The following TPM4 variants were observed in gnomAD, a reference collection of about 807,000 sequenced individuals.
TPM4 encodes the protein tropomyosin 4.
In TPM4, 17 loss-of-function variants were observed where a neutral mutation model predicts 35.8. That is an observed-to-expected ratio of 0.47 (90% CI 0.32 to 0.71). The LOEUF (loss-of-function observed/expected upper bound fraction) is 0.71. Among genes scored for constraint, TPM4 ranks in the 30% least tolerant of loss-of-function variants. The probability of loss-of-function intolerance (pLI) is 0.03; values close to 1 mark genes in which losing one functional copy is unlikely to be tolerated. For synonymous variants in TPM4, 120 were observed against 122.9 expected, an observed-to-expected ratio of 0.98 and a Z score of 0.15; for missense variants, 240 against 320.9, an observed-to-expected ratio of 0.75 and a Z score of 1.93.
intron 4 of TPM4, 120 bp from the exon 5 acceptor site, chr19:16,088,925 C>T (rs1252538922): frequency 6.5e-6 from 10 of 1,528,918 alleles, no homozygotes; most frequent in Non-Finnish European, 8.8e-6. Flanking sequence ...CACATTCCTT[C>T]TGCCCCCCAC....
chr19:16,087,668 G>T (rs1463612060), intron 3 of TPM4, among the ~76,000 whole-genome samples: 1 of 152,154 alleles, frequency 6.6e-6, no homozygotes, highest in East Asian at 1.9e-4. Flanking sequence ...GGATCAGGAG[G>T]TCAGGAATTC....
At chr19:16,085,944 C>G (rs1455343466) in intron 2 of TPM4, among the ~76,000 whole-genome samples, 2 of 151,710 alleles carry the variant, frequency 1.3e-5, no homozygotes, top group Non-Finnish European at 2.9e-5. Context: ...TGGTGCATGC[C>G]TATAGTCCCG....
rs1455486848 is a variant in TPM4 at position 16,101,936 on chromosome 19, T to A, written c.*590T>A. The A allele has an allele frequency of 4.9e-5, 11 of 224,766 alleles. No individual in the cohort carries two copies. Among genetic ancestry groups the A allele is most frequent in the Non-Finnish European group, 8.9e-5 (10 of 112,848 alleles). The allele number at this position is 224,766 out of a possible 1,614,324, so 13.9% of individuals were successfully genotyped here. A position where few individuals can be genotyped will look rare whatever the true frequency, so the allele number is the denominator to read the frequency against. On this transcript the variant is annotated 3_prime_UTR_variant, in exon 8 of 8. Coordinates refer to ENST00000643579, the MANE Select transcript of TPM4 (RefSeq NM_003290.3). ...CTCTCCACCATGCAGGACAAACATC[T>A]TCTCAAGCAGTCAACGTAGAATGCT...
In TPM4 at chr19:16,067,790, C is replaced by A. The variant is rs187039604; in HGVS notation, c.114+52C>A. ...CGGGCTGCTGGGAGTCCTCTCTGTG[C>A]GGAAGGCCGGGGTCTGGAGCCCAGT... is the stretch of plus-strand genomic sequence containing the variant. On this transcript the variant is annotated intron_variant, in intron 2 of 2. Transcript: ENST00000589897. The surrounding 1 kb of genome is among the most constrained non-coding windows in gnomAD (Gnocchi z 4.1). The A allele has an allele frequency of 4.2e-4, 646 of 1,555,548 alleles. 3 individuals carry two copies. The African/African-American group carries it at 8.1e-3, about 20-fold the overall frequency.
chr19:16,077,400 C>G (rs1385195533), intron 1 of TPM4: 1 of 152,192 alleles, frequency 6.6e-6, no homozygotes, highest in East Asian at 1.9e-4. Flanking sequence ...AACGCTGGCG[C>G]GGGGCCCTGA....
chr19:16,075,586 C>T (rs1249430151), upstream of TPM4: 1 of 157,292 alleles, frequency 6.4e-6, no homozygotes. Flanking sequence ...AGAGGGCAGG[C>T]GTATTTGTTA....
intron 1 of TPM4, among the ~76,000 whole-genome samples, chr19:16,078,533 A>C (rs1216398712): frequency 6.6e-6 from 1 of 152,166 alleles, no homozygotes; most frequent in Non-Finnish European, 1.5e-5. Flanking sequence ...AACCCGGTGT[A>C]AGCCTCAATC....
intron 2 of TPM4, among the ~76,000 whole-genome samples, chr19:16,082,864 C>T (rs1327868452): frequency 2.0e-5 from 3 of 151,828 alleles, no homozygotes; most frequent in South Asian, 4.2e-4. Context: ...TGGTGGTGCA[C>T]GCCTGTACTC....
Position 16,099,905 on chromosome 19 carries a change from C to T in TPM4, c.665-1359C>T, listed in dbSNP as rs550333439. The T allele has an allele frequency of 1.1e-4, 17 of 152,238 alleles. 1 individual carries two copies. In the South Asian group the frequency reaches 1.5e-3, roughly 13 times the overall value. 9.4% of individuals were successfully genotyped at this position (152,238 alleles called of 1,614,324 possible). On this transcript the variant is annotated intron_variant, in intron 7 of 7. Transcript: ENST00000643579. ...TTACCTGGGGTTTGTCTCCGTTCTC[C>T]TGGATTCATAGACAGTTACACAATT...
chr19:16,076,301 C>A, upstream of TPM4: 1 of 1,511,770 alleles, frequency 6.6e-7, no homozygotes, highest in Non-Finnish European at 8.8e-7. Flanking sequence ...GCGCTTTCTC[C>A]AAATAAGTCC....
At chr19:16,088,156 G>C (rs2090582536) in intron 4 of TPM4, 59 bp downstream of exon 4, 2 of 1,570,028 alleles carry the variant, frequency 1.3e-6, no homozygotes, top group Non-Finnish European at 8.6e-7. Context: ...GAGTGGGAAG[G>C]AGCTGGCTGT....
chr19:16,088,264 T>G (rs1599376726), intron 4 of TPM4, 167 bp downstream of exon 4: 1 of 1,404,756 alleles, frequency 7.1e-7, no homozygotes, highest in Non-Finnish European at 9.5e-7. Flanking sequence ...AAAGAGGTGG[T>G]GACTTGTTCT....
intron 2 of TPM4, among the ~76,000 whole-genome samples, chr19:16,085,680 A>G (rs1381978811): frequency 2.0e-5 from 3 of 152,182 alleles, no homozygotes; most frequent in African/African-American, 7.2e-5. Context: ...CCCTCTCTCT[A>G]TGCCTTAGTT....
At chr19:16,086,989 C>T (rs912530928) in intron 3 of TPM4, among the ~76,000 whole-genome samples, 1 of 152,068 alleles carries the variant, frequency 6.6e-6, no homozygotes, top group Admixed American at 6.6e-5. Context: ...TCAGTTGAAG[C>T]GCCAGCAAAA....
Position 16,067,791 on chromosome 19 carries a change from G to A in TPM4, c.114+53G>A. ...GGGCTGCTGGGAGTCCTCTCTGTGC[G>A]GAAGGCCGGGGTCTGGAGCCCAGTT... On this transcript the variant is annotated intron_variant, in intron 2 of 2. Coordinates refer to the TPM4 transcript ENST00000589897. The surrounding 1 kb of genome is among the most constrained non-coding windows in gnomAD (Gnocchi z 4.1). 1.3e-6 allele frequency: 2 copies of A among 1,550,316 alleles called. No individual in the cohort carries two copies. Among genetic ancestry groups the A allele is most frequent in the Non-Finnish European group, 1.7e-6 (2 of 1,143,580 alleles).
intron 5 of TPM4, among the ~76,000 whole-genome samples, chr19:16,090,874 C>T (rs924175402): frequency 6.7e-6 from 1 of 149,318 alleles, no homozygotes; most frequent in African/African-American, 2.5e-5. Flanking sequence ...ACCATGTTGC[C>T]CAGGCTGATC....
chr19:16,084,508 C>T (rs556097753), intron 2 of TPM4, among the ~76,000 whole-genome samples: 182 of 152,282 alleles, frequency 1.2e-3, no homozygotes, highest in African/African-American at 4.0e-3. Context: ...TGGATGCTGA[C>T]GTTGAGGGCT....
At chr19:16,074,942 A>T (rs1397722728), upstream of TPM4, 1 of 152,164 alleles carries the variant, frequency 6.6e-6, no homozygotes, top group African/African-American at 2.4e-5. Flanking sequence ...AAATACAAAA[A>T]TTAGTCAGTC....
At chr19:16,081,802 G>A in intron 1 of TPM4, 111 bp from the exon 2 acceptor site, 1 of 1,374,164 alleles carries the variant, frequency 7.3e-7, no homozygotes, top group Non-Finnish European at 9.6e-7. Flanking sequence ...TGGACTCCTG[G>A]GTGGGCTTTG....
Sources: allele counts gnomAD v4.1 joint callset (sites outside exome capture counted in the v4.1 genomes callset), GRCh38; gene constraint gnomAD v4.1.1; non-coding constraint Gnocchi (gnomAD v3.1); transcripts MANE v1.5; gene names NCBI Gene and HGNC (gene_info 2026-07-23, HGNC 2026-07-21).